The following SPATA6L variants were observed in gnomAD, a reference collection of about 807,000 sequenced individuals.
The protein encoded by SPATA6L is spermatogenesis associated 6-like protein.
Under a neutral mutation model 49.2 loss-of-function variants are expected in SPATA6L, and 68 were observed. The ratio of observed to expected loss-of-function variants is 1.38; its 90% CI spans 1.14 to 1.69. The LOEUF (loss-of-function observed/expected upper bound fraction) is 1.69. Ranked by LOEUF, SPATA6L falls within the 40% of genes most tolerant of loss-of-function variation. SPATA6L has a pLI of 0.00. For synonymous variants in SPATA6L, 198 were observed against 165.7 expected, an observed-to-expected ratio of 1.19 and a Z score of -1.50; for missense variants, 668 against 464.3, an observed-to-expected ratio of 1.44 and a Z score of -4.03.
intron 6 of SPATA6L, 70 bp from the exon 7 acceptor site, chr9:4,622,580 A>G: frequency 9.4e-7 from 1 of 1,061,212 alleles, no homozygotes; most frequent in Non-Finnish European, 1.4e-6. Flanking sequence ...CGTTACCGGA[A>G]TGCCTGTCTC....
At position 4,605,422 on chromosome 9, in the gene SPATA6L, C is replaced by A. The variant is rs760832427; in HGVS notation, c.1014G>T (p.Gln338His). ...TCTCATGGATATTCTTCCATGTGGA[C>A]TGAGAACCAGGATGGAACCTGCTCA... The part of the protein sequence containing the change: ...LLRERFHPGS[Q>H]STWKNIHERV... Residue 338 changes from glutamine (Q) to histidine (H), a missense_variant, in exon 10 of 12, where the codon CAG becomes CAT. Transcript: ENST00000682582. 2.5e-6 allele frequency: 4 copies of A among 1,613,818 alleles called. No individual in the cohort carries two copies. The highest frequency in any genetic ancestry group is 2.2e-5 in the East Asian group (1 of 44,886).
At chr9:4,604,653 G>C (rs1192409216) in intron 10 of SPATA6L, among the ~76,000 whole-genome samples, 3 of 152,188 alleles carry the variant, frequency 2.0e-5, no homozygotes, top group Non-Finnish European at 4.4e-5. Context: ...CTGATGGTTA[G>C]GGCAAACAAC....
rs1191210279 is a variant in SPATA6L, at chr9:4,666,298, C to T, written c.-48G>A. The T allele has an allele frequency of 1.9e-6, 3 of 1,610,032 alleles. No individual in the cohort carries two copies. Among genetic ancestry groups the T allele is most frequent in the African/African-American group, 1.3e-5 (1 of 74,844 alleles). On this transcript the variant is annotated 5_prime_UTR_variant, in exon 1 of 12. Transcript: ENST00000682582. ...ACTGGAATGAGAAGATCCTTTTGTG[C>T]CGAGCCTTGGACCAATTTTTCTTAG...
intron 4 of SPATA6L, among the ~76,000 whole-genome samples, chr9:4,632,178 C>G (rs1450103573): frequency 1.3e-5 from 2 of 151,454 alleles, no homozygotes; most frequent in African/African-American, 4.9e-5. Context: ...CACCACCATG[C>G]TCAACTAATT....
Position 4,629,115 on chromosome 9 carries a change from C to T in SPATA6L, c.405G>A (p.Val135=). ...FSTRTAIREC[V]FLHRNRFLEE... is the part of the protein sequence containing the mutation. ...CAAGAAATCTGTTTCTATGCAGAAA[C>T]ACACATTCTCTGATGGCTGTCCTTG... Residue 135 remains valine (V), a synonymous_variant, in exon 5 of 12, where the codon GTG becomes GTA. Coordinates refer to ENST00000682582, the MANE Select transcript of SPATA6L (RefSeq NM_001353486.2). The T allele has an allele frequency of 6.2e-7, 1 of 1,610,306 alleles. No homozygotes were observed. The highest frequency in any genetic ancestry group is 8.5e-7 in the Non-Finnish European group (1 of 1,178,190).
At chr9:4,635,855 G>C (rs574773681) in intron 3 of SPATA6L, among the ~76,000 whole-genome samples, 1 of 152,278 alleles carries the variant, frequency 6.6e-6, no homozygotes, top group African/African-American at 2.4e-5. Context: ...GTGATTCTCA[G>C]CAGGGGTACC....
Position 4,662,347 on chromosome 9 carries a change from A to C in SPATA6L, c.40-311T>G. ...CGGGAAGCCTCTGTTTGGTCCGGCC[A>C]GGTCCCGGGATCCGGGCCGCCAGCT... On this transcript the variant is annotated intron_variant, in intron 1 of 11. Transcript: ENST00000682582. The surrounding 1 kb of genome is among the most constrained non-coding windows in gnomAD (Gnocchi z 4.9). 1 of 1,480,184 alleles carries C rather than the reference A, an allele frequency of 6.8e-7. No individual in the cohort carries two copies. The highest frequency in any genetic ancestry group is 8.9e-7 in the Non-Finnish European group (1 of 1,122,862). 91.7% of individuals were successfully genotyped at this position (1,480,184 alleles called of 1,614,324 possible). A position where few individuals can be genotyped will look rare whatever the true frequency, so the allele number is the denominator to read the frequency against.
At chr9:4,665,877 A>G (rs1840784128) in intron 1 of SPATA6L, among the ~76,000 whole-genome samples, 1 of 152,218 alleles carries the variant, frequency 6.6e-6, no homozygotes, top group Admixed American at 6.5e-5. Flanking sequence ...GAAGTTGAAA[A>G]TCCTTTCACA....
chr9:4,616,529 T>C lies in SPATA6L; in HGVS notation c.995+1394A>G, dbSNP rs182578216. On this transcript the variant is annotated intron_variant, in intron 9 of 11. Transcript: ENST00000682582. ...GACAGGAGGGGACAGAGGCCAGGCA[T>C]AGAGAGGTGTAAGTGTGTCTCTGAC... Among the ~76,000 whole-genome samples, 388 of 152,294 alleles carry C rather than the reference T, an allele frequency of 2.5e-3. 1 individual carries two copies. Among genetic ancestry groups the C allele is most frequent in the African/African-American group, 7.9e-3 (330 of 41,566 alleles).
rs1029973776 is a variant in SPATA6L, at chr9:4,610,135, T to G, written c.996-4695A>C. Among the ~76,000 whole-genome samples the G allele has an allele frequency of 6.7e-3, 1,019 of 152,036 alleles. 8 individuals carry two copies. Among genetic ancestry groups the G allele is most frequent in the African/African-American group, 0.022 (927 of 41,368 alleles). On this transcript the variant is annotated intron_variant, in intron 9 of 11. Coordinates refer to ENST00000682582, the MANE Select transcript of SPATA6L (RefSeq NM_001353486.2). Reference sequence around the variant, plus strand: ...AGGAGAAGTATAAACCACTGCTCAATGAAATAAAAGAGGATACAAACAAAT... The same window carrying G: ...AGGAGAAGTATAAACCACTGCTCAAGGAAATAAAAGAGGATACAAACAAAT...
In SPATA6L at chr9:4,622,486, C is replaced by T. The variant is rs1339066652; in HGVS notation, c.694G>A (p.Glu232Lys). Residue 232 changes from glutamate to lysine, a missense_variant, in exon 7 of 12, where the codon GAG becomes AAG. Physicochemically the swap from Glu to Lys is moderately conservative, Grantham distance 56 (BLOSUM62 1). Coordinates refer to ENST00000682582, the MANE Select transcript of SPATA6L (RefSeq NM_001353486.2). Reference sequence around the variant, plus strand: ...CTCAAATGATGCTCTGAAATATTCTCACCAAAGGGCTTTGCACTGTCCACC... The same window carrying T: ...CTCAAATGATGCTCTGAAATATTCTTACCAAAGGGCTTTGCACTGTCCACC... Reference protein sequence around the residue: ...RHVDSAKPFGENISEHHLRRS... With the variant: ...RHVDSAKPFGKNISEHHLRRS... 1.2e-6 allele frequency: 2 copies of T among 1,613,344 alleles called. No individual in the cohort carries two copies. The highest frequency in any genetic ancestry group is 1.7e-5 in the Admixed American group (1 of 60,032).
intron 9 of SPATA6L, among the ~76,000 whole-genome samples, chr9:4,616,311 G>C (rs892899362): frequency 6.6e-6 from 1 of 152,054 alleles, no homozygotes; most frequent in Non-Finnish European, 1.5e-5. Context: ...TAAAAAAATA[G>C]GTGGAGTAGC....
chr9:4,643,643 T>C (rs558594933), intron 3 of SPATA6L, among the ~76,000 whole-genome samples: 1 of 152,188 alleles, frequency 6.6e-6, no homozygotes, highest in South Asian at 2.1e-4. Context: ...CAAAATACTA[T>C]GGAAATACTA....
At chr9:4,650,997 C>T (rs560432589) in intron 3 of SPATA6L, among the ~76,000 whole-genome samples, 14 of 152,040 alleles carry the variant, frequency 9.2e-5, no homozygotes, top group Non-Finnish European at 1.6e-4. Flanking sequence ...CCACCGTGCC[C>T]GGCGTAGAAA....
chr9:4,592,262 C>A (rs1213418104), intron 13 of SPATA6L, among the ~76,000 whole-genome samples: 2 of 147,208 alleles, frequency 1.4e-5, no homozygotes, highest in East Asian at 4.0e-4. Context: ...TTGCAGTGAG[C>A]TGAGATCACG....
At chr9:4,663,732 T>C (rs535483970) in intron 1 of SPATA6L, 2 of 168,266 alleles carry the variant, frequency 1.2e-5, no homozygotes, top group South Asian at 2.1e-4. Context: ...TTTTAAACAG[T>C]ATTTTTAAAG....
At chr9:4,595,414 G>C (rs564860975), downstream of SPATA6L, among the ~76,000 whole-genome samples, 1 of 152,108 alleles carries the variant, frequency 6.6e-6, no homozygotes, top group Non-Finnish European at 1.5e-5. Flanking sequence ...CCCACCGCCA[G>C]CCTCTACCTA....
At chr9:4,598,268 C>A (rs1822474811), downstream of SPATA6L, among the ~76,000 whole-genome samples, 1 of 152,086 alleles carries the variant, frequency 6.6e-6, no homozygotes, top group Non-Finnish European at 1.5e-5. Context: ...GATCTGCAAC[C>A]ATAAAAATCA....
rs370965395 is a variant in SPATA6L at position 4,629,140 on chromosome 9, G to A, written c.380C>T (p.Thr127Ile). The A allele has an allele frequency of 5.3e-5, 85 of 1,610,972 alleles. No homozygotes were observed. In the South Asian group the frequency reaches 6.3e-4, roughly 12 times the overall value. Residue 127 changes from threonine (T) to isoleucine (I), a missense_variant, in exon 5 of 12, where the codon ACA (threonine) becomes ATA (isoleucine). Physicochemically the swap from Thr to Ile is moderately conservative, Grantham distance 89 (BLOSUM62 -1). Coordinates refer to ENST00000682582, the MANE Select transcript of SPATA6L (RefSeq NM_001353486.2). ...PGIAPKIEFS[T>I]RTAIRECVFL... Reference sequence around the variant, plus strand: ...CACACATTCTCTGATGGCTGTCCTTGTAGAAAACTCTATTTTGGGAGCAAT... The same window carrying A: ...CACACATTCTCTGATGGCTGTCCTTATAGAAAACTCTATTTTGGGAGCAAT...
Sources: allele counts gnomAD v4.1 joint callset (sites outside exome capture counted in the v4.1 genomes callset), GRCh38; gene constraint gnomAD v4.1.1; non-coding constraint Gnocchi (gnomAD v3.1); transcripts MANE v1.5; gene names NCBI Gene and HGNC (gene_info 2026-07-23, HGNC 2026-07-21).